The following HDHD5 variants were observed in gnomAD, a reference collection of about 807,000 sequenced individuals.
The protein encoded by HDHD5 is haloacid dehalogenase like hydrolase domain containing 5, also known as haloacid dehalogenase-like hydrolase domain-containing 5.
Under a neutral mutation model 35.5 loss-of-function variants are expected in HDHD5, and 34 were observed. The ratio of observed to expected loss-of-function variants is 0.96; its 90% CI spans 0.73 to 1.28. HDHD5 has a LOEUF of 1.28. Ranked by LOEUF, HDHD5 falls within the 50% of genes most tolerant of loss-of-function variation. The pLI is 0.00. For synonymous variants in HDHD5, 248 were observed against 240.6 expected (o/e 1.03, Z -0.29); for missense variants, 589 against 560.2 (o/e 1.05, Z -0.52).
chr22:17,164,870 G>C (rs777873817), intron 1 of HDHD5, among the ~76,000 whole-genome samples: 8 of 152,178 alleles, frequency 5.3e-5, no homozygotes, highest in Non-Finnish European at 1.2e-4. Context: ...AAGAGAAGTT[G>C]GTTCCCAGTA....
At chr22:17,162,648 T>G (rs1291814520), upstream of HDHD5, among the ~76,000 whole-genome samples, 1 of 152,206 alleles carries the variant, frequency 6.6e-6, no homozygotes, top group Non-Finnish European at 1.5e-5. Flanking sequence ...TCAAAGACTG[T>G]GTGTGTACGT....
upstream of HDHD5, among the ~76,000 whole-genome samples, chr22:17,162,742 C>G (rs755696431): frequency 5.3e-5 from 8 of 152,218 alleles, no homozygotes; most frequent in Non-Finnish European, 8.8e-5. Flanking sequence ...ACAGCTAAGG[C>G]TTGCCATGTT....
At position 17,148,568 on chromosome 22, in the gene HDHD5, G is replaced by A; in HGVS notation, c.331-8C>T. On this transcript the variant is annotated splice_region_variant and splice_polypyrimidine_tract_variant and intron_variant, in intron 2 of 7. Transcript: ENST00000336737. ...AACTTGGTCTGCATCCACCTGTAGG[G>A]ACAGCCAAGACAGGGGAGGGCAGAG... 1 of 1,593,276 alleles carries A rather than the reference G, an allele frequency of 6.3e-7. No homozygotes were observed. The highest frequency in any genetic ancestry group is 1.1e-5 in the South Asian group (1 of 90,604).
At chr22:17,157,114 A>ACACACACAC (rs1555881519) in intron 1 of HDHD5, among the ~76,000 whole-genome samples, 1 of 148,198 alleles carries the variant, frequency 6.7e-6, no homozygotes, top group Non-Finnish European at 1.5e-5. Flanking sequence ...ACACACACAC[A>ACACACACAC]AAAGAAAAAA....
chr22:17,149,693 C>T lies in HDHD5; in HGVS notation c.179G>A (p.Gly60Asp), dbSNP rs770395262. 1 of 1,614,038 alleles carries T rather than the reference C, an allele frequency of 6.2e-7. No individual in the cohort carries two copies. The highest frequency in any genetic ancestry group is 8.5e-7 in the Non-Finnish European group (1 of 1,180,046). ...CAGAGCAGCAGGGATCACTCTGTGG[C>T]CCCGCACAAGCACTCCATCGATGTC... ...LLDIDGVLVR[G>D]HRVIPAALKA... Residue 60 changes from glycine to aspartate, a missense_variant, in exon 2 of 8, where the codon GGC (glycine) becomes GAC (aspartate). Coordinates refer to ENST00000336737, the MANE Select transcript of HDHD5 (RefSeq NM_033070.3).
Position 17,148,555 on chromosome 22 carries a change from A to G in HDHD5, c.336T>C (p.Asp112=). 1 of 1,613,380 alleles carries G rather than the reference A, an allele frequency of 6.2e-7. No individual in the cohort carries two copies. The highest frequency in any genetic ancestry group is 8.5e-7 in the Non-Finnish European group (1 of 1,179,312). The part of the protein sequence containing the change: ...ELSALLGCEV[D]ADQVILSHSP... ...TGTGAGAGAGGATAACTTGGTCTGC[A>G]TCCACCTGTAGGGACAGCCAAGACA... Residue 112 remains aspartate, a synonymous_variant, in exon 3 of 8, where the codon GAT becomes GAC. Transcript: ENST00000336737.
intron 1 of HDHD5, among the ~76,000 whole-genome samples, chr22:17,151,794 C>T (rs1601396813): frequency 1.3e-5 from 2 of 151,372 alleles, no homozygotes; most frequent in Non-Finnish European, 2.9e-5. Context: ...AAAGGCGCTC[C>T]AGTACCTACT....
rs2061839982 is a variant in HDHD5, at chr22:17,159,205, A to AC, written c.46_47insG (p.Leu16ArgfsTer116). 32 of 1,208,622 alleles carry AC rather than the reference A, an allele frequency of 2.6e-5. No individual in the cohort carries two copies. The highest frequency in any genetic ancestry group is 3.2e-5 in the Non-Finnish European group (31 of 974,918). The allele number at this position is 1,208,622 out of a possible 1,614,324, so 74.9% of individuals were successfully genotyped here. ...AGCCGCGCGCGCCGCCCGCCAGCAA[A>AC]GCCCACGCGCCGCGCCGAGCGCAGC... On this transcript the variant is annotated frameshift_variant, in exon 1 of 8. Transcript: ENST00000336737. LOFTEE classifies it high-confidence loss of function.
Position 17,149,555 on chromosome 22 carries a change from AG to A in HDHD5, c.316del (p.Leu106CysfsTer18). On this transcript the variant is annotated frameshift_variant, in exon 2 of 8. Coordinates refer to ENST00000336737, the MANE Select transcript of HDHD5 (RefSeq NM_033070.3). LOFTEE classifies it high-confidence loss of function. ...QHSKAQELSA[L>X]LGCEVDADQV... is the part of the protein sequence containing the mutation. ...CTGCCTTCTCACCTCGCACCCCAGC[AG>A]GGCTGACAGCTCCTGGGCTTTGCTG... 5 of 1,612,268 alleles carry A rather than the reference AG, an allele frequency of 3.1e-6. No individual in the cohort carries two copies. The highest frequency in any genetic ancestry group is 3.4e-6 in the Non-Finnish European group (4 of 1,179,946).
chr22:17,154,529 G>T (rs1022882988), intron 1 of HDHD5, among the ~76,000 whole-genome samples: 7 of 151,178 alleles, frequency 4.6e-5, no homozygotes, highest in Admixed American at 1.3e-4. Context: ...TTTTTAAAAG[G>T]CCTAGATTTT....
chr22:17,138,378 G>A (rs747477634), intron 7 of HDHD5, 21 bp from the exon 8 acceptor site: 77 of 1,590,278 alleles, frequency 4.8e-5, no homozygotes, highest in Admixed American at 9.1e-5. Flanking sequence ...CAGCCACACC[G>A]GAAAAGGAAA....
chr22:17,139,397 A>G (rs534055040), intron 6 of HDHD5, among the ~76,000 whole-genome samples: 67 of 152,156 alleles, frequency 4.4e-4, no homozygotes, highest in African/African-American at 1.1e-3. Context: ...GTGTGGTGGC[A>G]CATGCCTGTA....
intron 1 of HDHD5, chr22:17,165,072 G>A: frequency 1.5e-6 from 1 of 678,796 alleles, no homozygotes. Flanking sequence ...TCTTGCTGAG[G>A]GAGAATTCTG....
exon 1 of HDHD5, chr22:17,165,215 G>T: frequency 1.3e-6 from 1 of 777,762 alleles, no homozygotes; most frequent in Admixed American, 1.7e-5. Flanking sequence ...TTACCTGAGA[G>T]AAGCTGGGAA....
intron 6 of HDHD5, 142 bp downstream of exon 6, chr22:17,140,917 G>A (rs1233910413): frequency 9.0e-6 from 6 of 666,848 alleles, no homozygotes; most frequent in Non-Finnish European, 1.5e-5. Flanking sequence ...CAAAGGCCAG[G>A]TTACTGCAGC....
chr22:17,153,897 T>A (rs1477166777), intron 1 of HDHD5, among the ~76,000 whole-genome samples: 1 of 152,040 alleles, frequency 6.6e-6, no homozygotes, highest in African/African-American at 2.4e-5. Flanking sequence ...GACTGGGTGA[T>A]TCCAACACTT....
chr22:17,159,802 CACT>C (rs2061849669), upstream of HDHD5: 1 of 282,986 alleles, frequency 3.5e-6, no homozygotes, highest in Non-Finnish European at 6.9e-6. Context: ...CCCCCGCGCG[CACT>C]GCGGAGAGGT....
intron 1 of HDHD5, among the ~76,000 whole-genome samples, chr22:17,150,104 C>T (rs1248079966): frequency 6.6e-6 from 1 of 152,126 alleles, no homozygotes; most frequent in Non-Finnish European, 1.5e-5. Flanking sequence ...CGTGAGCCAC[C>T]GAGTCCAGCC....
At position 17,137,834 on chromosome 22, in the gene HDHD5, T is replaced by C; in HGVS notation, c.*187A>G. On this transcript the variant is annotated 3_prime_UTR_variant, in exon 8 of 8. Coordinates refer to ENST00000336737, the MANE Select transcript of HDHD5 (RefSeq NM_033070.3). Reference sequence around the variant, plus strand: ...AAAATTCCAACCGTTCCATACAAAATGCTACCCAGCAGGGAAAAAGAGTCA... The same window carrying C: ...AAAATTCCAACCGTTCCATACAAAACGCTACCCAGCAGGGAAAAAGAGTCA... 1 of 585,994 alleles carries C rather than the reference T, an allele frequency of 1.7e-6. No individual in the cohort carries two copies. The highest frequency in any genetic ancestry group is 3.0e-6 in the Non-Finnish European group (1 of 331,732). The allele number at this position is 585,994 out of a possible 1,614,324, so 36.3% of individuals were successfully genotyped here.
Sources: gnomAD v4.1 joint callset for allele counts (sites outside exome capture counted in the v4.1 genomes callset) on GRCh38, gnomAD v4.1.1 for gene constraint, MANE v1.5 for transcripts, NCBI Gene and HGNC (gene_info 2026-07-23, HGNC 2026-07-21) for gene names.